The following NXPE4 variants were observed in gnomAD, a reference collection of about 807,000 sequenced individuals.
NXPE4 encodes neurexophilin and PC-esterase domain family member 4.
In NXPE4, 42 loss-of-function variants were observed where a neutral mutation model predicts 33.3. That is an observed-to-expected ratio of 1.26 (90% CI 0.98 to 1.63). The LOEUF is 1.63. NXPE4 is among the 40% of genes most tolerant of loss of function. The pLI is 0.00. For synonymous variants in NXPE4, 253 were observed against 234.9 expected, an observed-to-expected ratio of 1.08 and a Z score of -0.71; for missense variants, 709 against 647.6, an observed-to-expected ratio of 1.09 and a Z score of -1.03.
At chr11:114,603,308 A>G in the NXPE4 span, among the ~76,000 whole-genome samples, 2 of 150,018 alleles carry the variant, frequency 1.3e-5, no homozygotes, top group East Asian at 2.0e-4. Context: ...GGTAACACCT[A>G]TTACCTGGTG....
chr11:114,620,199 A>G, the NXPE4 span, among the ~76,000 whole-genome samples: 1 of 152,046 alleles, frequency 6.6e-6, no homozygotes, highest in Non-Finnish European at 1.5e-5. Context: ...CCCGCTGGAT[A>G]CTAACTTTTG....
At chr11:114,585,244 T>C (rs910581294) in intron 2 of NXPE4, among the ~76,000 whole-genome samples, 3 of 151,600 alleles carry the variant, frequency 2.0e-5, no homozygotes, top group East Asian at 2.0e-4. Flanking sequence ...ACCTGCAGAA[T>C]TGGGGGAGTT....
the NXPE4 span, among the ~76,000 whole-genome samples, chr11:114,606,925 T>C: frequency 4.0e-5 from 6 of 149,032 alleles, no homozygotes; most frequent in African/African-American, 9.9e-5. Flanking sequence ...ATAAGTATTG[T>C]CTCATGGGTA....
At chr11:114,590,242 T>G (rs1949417316) in intron 2 of NXPE4, among the ~76,000 whole-genome samples, 1 of 152,210 alleles carries the variant, frequency 6.6e-6, no homozygotes, top group Admixed American at 6.5e-5. Flanking sequence ...ACTGAAACTC[T>G]TTTTAATTTC....
At chr11:114,602,060 ATT>A in the NXPE4 span, among the ~76,000 whole-genome samples, 1,149 of 94,574 alleles carry the variant, frequency 0.012, 27 homozygotes, top group African/African-American at 0.047. Context: ...TATTATATAT[ATT>A]ATAATATATA....
chr11:114,643,821 G>A, the NXPE4 span, among the ~76,000 whole-genome samples: 1 of 152,052 alleles, frequency 6.6e-6, no homozygotes, highest in Admixed American at 6.6e-5. Flanking sequence ...TAGCTTGATG[G>A]GGATAGCAGT....
chr11:114,625,476 A>T, the NXPE4 span, among the ~76,000 whole-genome samples: 1 of 152,118 alleles, frequency 6.6e-6, no homozygotes, highest in African/African-American at 2.4e-5. Flanking sequence ...CACCCGGTGG[A>T]TAATATGTAT....
chr11:114,618,960 G>A, the NXPE4 span, among the ~76,000 whole-genome samples: 3 of 152,152 alleles, frequency 2.0e-5, no homozygotes, highest in African/African-American at 7.2e-5. Context: ...AGTACCGCAT[G>A]GGTAAACACT....
chr11:114,597,063 A>G (rs1264868019), upstream of NXPE4, among the ~76,000 whole-genome samples: 3 of 152,066 alleles, frequency 2.0e-5, no homozygotes, highest in Admixed American at 6.6e-5. Context: ...AGTTGGAAAA[A>G]CTATCTTGAA....
the NXPE4 span, among the ~76,000 whole-genome samples, chr11:114,609,164 G>C: frequency 6.7e-6 from 1 of 150,000 alleles, no homozygotes; most frequent in South Asian, 2.1e-4. Flanking sequence ...ACTGTTACCT[G>C]GTGGATGATA....
chr11:114,620,501 T>G, the NXPE4 span, among the ~76,000 whole-genome samples: 7,367 of 151,762 alleles, frequency 0.049, 581 homozygotes, highest in African/African-American at 0.17. Flanking sequence ...TAATAAGTGT[T>G]GCCTCTAGGG....
the NXPE4 span, among the ~76,000 whole-genome samples, chr11:114,674,088 TAA>T: frequency 1.1e-4 from 12 of 106,658 alleles, no homozygotes; most frequent in Admixed American, 3.5e-4. Flanking sequence ...GGACATTGTT[TAA>T]AAACAAACAA....
At chr11:114,624,549 T>A in the NXPE4 span, among the ~76,000 whole-genome samples, 1 of 151,686 alleles carries the variant, frequency 6.6e-6, no homozygotes, top group African/African-American at 2.4e-5. Context: ...TGTTACCTAG[T>A]GGATAATAAG....
At chr11:114,629,067 AT>A in the NXPE4 span, among the ~76,000 whole-genome samples, 17 of 152,212 alleles carry the variant, frequency 1.1e-4, 1 homozygote, top group South Asian at 3.5e-3. Flanking sequence ...GACCAGATGG[AT>A]TCACAGTCGA....
chr11:114,628,525 G>T, the NXPE4 span, among the ~76,000 whole-genome samples: 1 of 151,778 alleles, frequency 6.6e-6, no homozygotes, highest in Non-Finnish European at 1.5e-5. Flanking sequence ...AAAGCAGTGT[G>T]TAGAGGGAAA....
At chr11:114,644,225 T>C in the NXPE4 span, among the ~76,000 whole-genome samples, 1 of 152,160 alleles carries the variant, frequency 6.6e-6, no homozygotes, top group Non-Finnish European at 1.5e-5. Context: ...ACTTCCTCTC[T>C]TCCTGTTCGA....
the NXPE4 span, among the ~76,000 whole-genome samples, chr11:114,640,531 A>T: frequency 6.6e-6 from 1 of 151,780 alleles, no homozygotes; most frequent in Non-Finnish European, 1.5e-5. Context: ...AGAAACCTCC[A>T]TACTATTTAC....
At chr11:114,678,164 T>C in the NXPE4 span, among the ~76,000 whole-genome samples, 2 of 152,060 alleles carry the variant, frequency 1.3e-5, no homozygotes, top group Non-Finnish European at 2.9e-5. Flanking sequence ...GACTCAGGGC[T>C]TCTGTTTTTC....
At chr11:114,606,491 GATA>G in the NXPE4 span, among the ~76,000 whole-genome samples, 1 of 151,398 alleles carries the variant, frequency 6.6e-6, no homozygotes, top group Admixed American at 6.6e-5. Context: ...TTCCTTGGTG[GATA>G]ATAAGTGTTG....
Sources: allele counts gnomAD v4.1 joint callset (sites outside exome capture counted in the v4.1 genomes callset), GRCh38; gene constraint gnomAD v4.1.1; transcripts MANE v1.5; gene names NCBI Gene and HGNC (gene_info 2026-07-23, HGNC 2026-07-21).